UBE2L3: variants seen among roughly 807,000 people sequenced by gnomAD.
The protein encoded by UBE2L3 is ubiquitin conjugating enzyme E2 L3, also known as ubiquitin-conjugating enzyme E2 L3.
UBE2L3 carries 1 observed loss-of-function variant against 17.8 expected under a neutral mutation model. That is an observed-to-expected ratio of 0.06 (90% CI 0.02 to 0.27). UBE2L3 has a LOEUF of 0.27. Among genes scored for constraint, UBE2L3 ranks in the 10% least tolerant of loss-of-function variants. UBE2L3 has a pLI of 1.00. For synonymous variants in UBE2L3, 44 were observed against 68.5 expected, an observed-to-expected ratio of 0.64 and a Z score of 1.76; for missense variants, 40 against 192.6, an observed-to-expected ratio of 0.21 and a Z score of 4.69.
chr22:21,562,250 AG>A (rs1926463519), intron 1 of UBE2L3, among the ~76,000 whole-genome samples: 1 of 147,856 alleles, frequency 6.8e-6, no homozygotes, highest in Non-Finnish European at 1.5e-5. Context: ...GCTGGAATGC[AG>A]TGGCGTGATC....
At chr22:21,562,351 C>T (rs1926467950) in intron 1 of UBE2L3, among the ~76,000 whole-genome samples, 1 of 150,112 alleles carries the variant, frequency 6.7e-6, no homozygotes, top group Admixed American at 6.6e-5. Flanking sequence ...CCCGCCACTG[C>T]ACCCGGCTAA....
chr22:21,591,466 C>G (rs773633296), intron 1 of UBE2L3, among the ~76,000 whole-genome samples: 1 of 152,192 alleles, frequency 6.6e-6, no homozygotes, highest in Admixed American at 6.5e-5. Context: ...TGTGTTCCAC[C>G]TCTTCCGTGT....
At chr22:21,620,195 G>A (rs1165315917) in intron 3 of UBE2L3, among the ~76,000 whole-genome samples, 1 of 152,020 alleles carries the variant, frequency 6.6e-6, no homozygotes, top group East Asian at 1.9e-4. Flanking sequence ...GCCAAGGTGG[G>A]AGGATTGTTT....
intron 1 of UBE2L3, among the ~76,000 whole-genome samples, chr22:21,591,769 C>T (rs1928277133): frequency 6.6e-6 from 1 of 152,168 alleles, no homozygotes; most frequent in African/African-American, 2.4e-5. Flanking sequence ...AGGAAGCAGC[C>T]TGGCGAAGGA....
chr22:21,619,396 C>G (rs1929941768), intron 3 of UBE2L3, among the ~76,000 whole-genome samples: 1 of 152,158 alleles, frequency 6.6e-6, no homozygotes, highest in Admixed American at 6.5e-5. Context: ...AGGCCCCTTG[C>G]CCCTGCTTGC....
At chr22:21,555,267 A>G (rs1926181932) in intron 1 of UBE2L3, 2 of 151,782 alleles carry the variant, frequency 1.3e-5, no homozygotes, top group Non-Finnish European at 2.9e-5. Context: ...TAAATTGGTG[A>G]CTTCCTGGGA....
intron 1 of UBE2L3, among the ~76,000 whole-genome samples, chr22:21,571,199 A>G (rs1428489334): frequency 6.6e-6 from 1 of 152,206 alleles, no homozygotes; most frequent in African/African-American, 2.4e-5. Flanking sequence ...CATTGCTTCA[A>G]TCAGGATGGG....
rs925220725 is a variant in UBE2L3, at chr22:21,622,061, G to A, written c.*392G>A. 5 of 184,814 alleles carry A rather than the reference G, an allele frequency of 2.7e-5. No individual in the cohort carries two copies. The allele number at this position is 184,814 out of a possible 1,614,324, so 11.4% of individuals were successfully genotyped here. ...TGCCACTCCCACTTTCTGGCACCGA[G>A]TTTATTTTTCACTTACTTACTTCCC... On this transcript the variant is annotated 3_prime_UTR_variant, in exon 4 of 4. Transcript: ENST00000342192.
At chr22:21,572,111 AT>A (rs1926999841) in intron 1 of UBE2L3, among the ~76,000 whole-genome samples, 2 of 152,096 alleles carry the variant, frequency 1.3e-5, no homozygotes, top group Non-Finnish European at 2.9e-5. Context: ...TTATTGCAAC[AT>A]TTGGGACCTT....
At chr22:21,603,836 C>CCA (rs1555886022) in intron 2 of UBE2L3, among the ~76,000 whole-genome samples, 1 of 105,366 alleles carries the variant, frequency 9.5e-6, no homozygotes, top group African/African-American at 3.2e-5. Context: ...GACTCTGTCT[C>CCA]AAAAAAAAAA....
chr22:21,611,894 T>A (rs61482708), intron 3 of UBE2L3, among the ~76,000 whole-genome samples: 12,172 of 152,066 alleles, frequency 0.08, 1,686 homozygotes, highest in African/African-American at 0.28. Context: ...AGTGGAGGGT[T>A]TCTTTTAGGG....
chr22:21,558,929 G>A (rs1237901792), intron 1 of UBE2L3, among the ~76,000 whole-genome samples: 1 of 151,880 alleles, frequency 6.6e-6, no homozygotes. Flanking sequence ...GCCAGATGTG[G>A]CTGCTGTCCT....
intron 2 of UBE2L3, among the ~76,000 whole-genome samples, chr22:21,601,238 G>A (rs1186498988): frequency 6.6e-6 from 1 of 151,938 alleles, no homozygotes; most frequent in East Asian, 1.9e-4. Flanking sequence ...TGTGACTTTC[G>A]AACATGGAGT....
intron 2 of UBE2L3, among the ~76,000 whole-genome samples, chr22:21,594,709 C>CA (rs1928430733): frequency 1.3e-5 from 2 of 152,072 alleles, no homozygotes; most frequent in South Asian, 4.1e-4. Context: ...TGTTAGGGCT[C>CA]AGGGCAAAGG....
At chr22:21,585,627 T>C (rs994518372) in intron 1 of UBE2L3, among the ~76,000 whole-genome samples, 1 of 152,134 alleles carries the variant, frequency 6.6e-6, no homozygotes, top group African/African-American at 2.4e-5. Context: ...AGCCAGGGCT[T>C]GGGGAGCTCC....
intron 1 of UBE2L3, among the ~76,000 whole-genome samples, chr22:21,581,532 T>C (rs1043848758): frequency 2.0e-5 from 3 of 151,854 alleles, no homozygotes; most frequent in African/African-American, 7.3e-5. Context: ...CTGGGCACGG[T>C]GGCTCACACT....
intron 1 of UBE2L3, among the ~76,000 whole-genome samples, chr22:21,573,236 G>C (rs1927082722): frequency 6.6e-6 from 1 of 152,128 alleles, no homozygotes; most frequent in Admixed American, 6.6e-5. Context: ...GTGAGGATGA[G>C]GCTGGGACTC....
upstream of UBE2L3, among the ~76,000 whole-genome samples, chr22:21,563,461 C>G (rs1335723329): frequency 6.9e-6 from 1 of 144,356 alleles, no homozygotes; most frequent in African/African-American, 2.6e-5. Context: ...ACTCAGGAGG[C>G]TGAGGCGGGA....
At chr22:21,619,981 G>A (rs1015971067) in intron 3 of UBE2L3, among the ~76,000 whole-genome samples, 1 of 152,176 alleles carries the variant, frequency 6.6e-6, no homozygotes, top group East Asian at 1.9e-4. Context: ...AATGCTGAAT[G>A]AACAATATGA....
Sources: gnomAD v4.1 joint callset for allele counts (sites outside exome capture counted in the v4.1 genomes callset) on GRCh38, gnomAD v4.1.1 for gene constraint, MANE v1.5 for transcripts, NCBI Gene and HGNC (gene_info 2026-07-23, HGNC 2026-07-21) for gene names.